The following USP48 variants were observed in gnomAD, a reference collection of about 807,000 sequenced individuals.
The protein encoded by USP48 is ubiquitin specific peptidase 48.
USP48 carries 43 observed loss-of-function variants against 150.7 expected under a neutral mutation model. The ratio of observed to expected loss-of-function variants is 0.29; its 90% CI spans 0.22 to 0.37. The LOEUF (loss-of-function observed/expected upper bound fraction) is 0.37. Among genes scored for constraint, USP48 ranks in the 10% least tolerant of loss-of-function variants. USP48 has a pLI of 1.00. For missense variants in USP48, 813 were observed against 1,249.6 expected, an observed-to-expected ratio of 0.65 and a Z score of 5.27; for synonymous variants, 396 against 425.9, an observed-to-expected ratio of 0.93 and a Z score of 0.86.
rs762029755 is a variant in USP48, at chr1:21,774,437, CCAG to C, written c.134+8384_134+8386del. Among the ~76,000 whole-genome samples the C allele has an allele frequency of 2.6e-5, 4 of 151,828 alleles. No homozygotes were observed. The East Asian group carries it at 5.8e-4, about 22-fold the overall frequency. On this transcript the variant is annotated intron_variant, in intron 1 of 26. Coordinates refer to ENST00000308271, the MANE Select transcript of USP48 (RefSeq NM_032236.8). ...GTCGCAGTGGCTCATGCCTGTAATC[CCAG>C]CACTTTGGGAGGCCAAGGTGGGCAG...
chr1:21,690,794 G>A (rs1013407796), intron 23 of USP48, among the ~76,000 whole-genome samples: 1 of 152,130 alleles, frequency 6.6e-6, no homozygotes, highest in African/African-American at 2.4e-5. Context: ...CTCCCGAAGT[G>A]CAGAGATTAC....
intron 1 of USP48, among the ~76,000 whole-genome samples, chr1:21,782,239 G>A (rs1416120698): frequency 6.6e-6 from 1 of 152,140 alleles, no homozygotes; most frequent in Non-Finnish European, 1.5e-5. Flanking sequence ...CAGACGTGAA[G>A]GACAGCACTA....
At chr1:21,719,780 C>T (rs1267893888) in intron 14 of USP48, among the ~76,000 whole-genome samples, 1 of 151,912 alleles carries the variant, frequency 6.6e-6, no homozygotes, top group East Asian at 1.9e-4. Flanking sequence ...GGCAGGAGAG[C>T]CGCTTGAACC....
intron 8 of USP48, among the ~76,000 whole-genome samples, chr1:21,744,028 CAAT>C (rs1265645098): frequency 3.3e-5 from 5 of 152,116 alleles, no homozygotes; most frequent in African/African-American, 9.7e-5. Flanking sequence ...TTAATGAAGA[CAAT>C]AATCCACAGG....
chr1:21,736,934 C>T (rs2097770038), intron 8 of USP48, among the ~76,000 whole-genome samples: 1 of 152,214 alleles, frequency 6.6e-6, no homozygotes, highest in Non-Finnish European at 1.5e-5. Context: ...CTCTTCAGCA[C>T]ACACTAGCGA....
chr1:21,724,162 T>C (rs563719803), intron 11 of USP48, 67 bp from the exon 12 acceptor site: 2 of 1,466,014 alleles, frequency 1.4e-6, no homozygotes, highest in Non-Finnish European at 1.9e-6. Context: ...GATACATTCA[T>C]TTTTCTCAAA....
intron 1 of USP48, among the ~76,000 whole-genome samples, chr1:21,782,352 G>A (rs778587843): frequency 5.9e-4 from 90 of 151,876 alleles, no homozygotes; most frequent in Non-Finnish European, 1.1e-3. Context: ...AGGCCAACGG[G>A]GGTGCAGGGT....
chr1:21,776,192 G>A (rs1489037772), intron 1 of USP48, among the ~76,000 whole-genome samples: 1 of 152,104 alleles, frequency 6.6e-6, no homozygotes, highest in Non-Finnish European at 1.5e-5. Context: ...AAACAAGTCT[G>A]CCCTCAAGAC....
chr1:21,680,227 A>G (rs1342800957), intron 26 of USP48, among the ~76,000 whole-genome samples: 1 of 152,246 alleles, frequency 6.6e-6, no homozygotes, highest in Non-Finnish European at 1.5e-5. Context: ...GAATCAAGAC[A>G]GCAACAGGAA....
At chr1:21,782,269 C>T (rs898214783) in intron 1 of USP48, among the ~76,000 whole-genome samples, 12 of 152,158 alleles carry the variant, frequency 7.9e-5, no homozygotes, top group African/African-American at 2.9e-4. Flanking sequence ...AAACTTGGTA[C>T]TCGGTAAACT....
At chr1:21,758,149 G>A (rs1222538721) in intron 1 of USP48, among the ~76,000 whole-genome samples, 3 of 144,720 alleles carry the variant, frequency 2.1e-5, no homozygotes, top group Admixed American at 7.0e-5. Flanking sequence ...TAGACAATAT[G>A]GTACATCTAT....
At chr1:21,696,036 A>G (rs1048639497) in intron 22 of USP48, among the ~76,000 whole-genome samples, 8 of 152,210 alleles carry the variant, frequency 5.3e-5, no homozygotes, top group African/African-American at 1.9e-4. Context: ...AGAAATTGGA[A>G]TATAGGGGAT....
chr1:21,759,222 A>T (rs2097844406), intron 1 of USP48, among the ~76,000 whole-genome samples: 1 of 150,768 alleles, frequency 6.6e-6, no homozygotes, highest in South Asian at 2.1e-4. Flanking sequence ...AACAAGGATG[A>T]CAGGAACCCT....
intron 1 of USP48, among the ~76,000 whole-genome samples, chr1:21,773,192 T>C (rs1360583073): frequency 1.5e-5 from 2 of 137,646 alleles, no homozygotes; most frequent in Admixed American, 7.2e-5. Context: ...GAAGCAGAGG[T>C]TGCAGCAAGC....
At chr1:21,738,659 A>ATT (rs377367152) in intron 8 of USP48, among the ~76,000 whole-genome samples, 1 of 144,394 alleles carries the variant, frequency 6.9e-6, no homozygotes, top group Non-Finnish European at 1.5e-5. Context: ...CGCCCGGCCC[A>ATT]TTTTTTTTTT....
rs1411220155 is a variant in USP48 at position 21,770,471 on chromosome 1, A to AATC, written c.134+12350_134+12352dup. On this transcript the variant is annotated intron_variant, in intron 1 of 26. Transcript: ENST00000308271. ...TAAATTTCTTTTGTGATAATTAGTC[A>AATC]ATCAAGTGTCTTTTTTTTTTTTTTT... is the stretch of plus-strand genomic sequence containing the variant. Among the ~76,000 whole-genome samples, 4 of 150,634 alleles carry AATC rather than the reference A, an allele frequency of 2.7e-5. No individual in the cohort carries two copies. In the East Asian group the frequency reaches 7.8e-4, roughly 29 times the overall value.
At chr1:21,710,751 C>T (rs2097687925) in intron 15 of USP48, among the ~76,000 whole-genome samples, 1 of 151,526 alleles carries the variant, frequency 6.6e-6, no homozygotes, top group African/African-American at 2.4e-5. Flanking sequence ...TTTAAAACTG[C>T]ATTTACTTTA....
chr1:21,749,435 A>G (rs2097803413), intron 6 of USP48, among the ~76,000 whole-genome samples: 1 of 151,980 alleles, frequency 6.6e-6, no homozygotes, highest in Non-Finnish European at 1.5e-5. Context: ...AACATGCTCA[A>G]AGCCAAACTC....
chr1:21,748,081 A>G, intron 7 of USP48, 57 bp downstream of exon 7: 1 of 1,518,414 alleles, frequency 6.6e-7, no homozygotes, highest in Non-Finnish European at 8.8e-7. Flanking sequence ...TCTATGGTAA[A>G]GTCTGTACAT....
Sources: gnomAD v4.1 joint callset for allele counts (sites outside exome capture counted in the v4.1 genomes callset) on GRCh38, gnomAD v4.1.1 for gene constraint, MANE v1.5 for transcripts, NCBI Gene and HGNC (gene_info 2026-07-23, HGNC 2026-07-21) for gene names.